Variants in KCNMB2 observed in about 807,000 individuals in gnomAD.
The protein encoded by KCNMB2 is calcium-activated potassium channel subunit beta-2.
KCNMB2 carries 9 observed loss-of-function variants against 24.5 expected under a neutral mutation model. The ratio of observed to expected loss-of-function variants is 0.37; its 90% CI spans 0.22 to 0.64. KCNMB2 has a LOEUF of 0.64. Ranked by LOEUF, KCNMB2 falls within the 30% of genes least tolerant of loss-of-function variation. The pLI, the probability that KCNMB2 is intolerant of heterozygous loss-of-function variation, is 0.63. For missense variants in KCNMB2, 226 were observed against 284.3 expected (o/e 0.79, Z 1.47); for synonymous variants, 109 against 104.4 (o/e 1.04, Z -0.27).
chr3:178,576,237 C>A lies in KCNMB2; in HGVS notation c.-68+39526C>A, dbSNP rs7616919. Among the ~76,000 whole-genome samples the A allele has an allele frequency of 4.3e-3, 654 of 152,054 alleles. 1 individual carries two copies. The highest frequency in any genetic ancestry group is 0.015 in the African/African-American group (622 of 41,468). On this transcript the variant is annotated intron_variant, in intron 1 of 4. Coordinates refer to ENST00000452583, the MANE Select transcript of KCNMB2 (RefSeq NM_181361.3). Reference sequence around the variant, plus strand: ...GGGGCGTTGCCTCACCCAGGAAGCACAAGAGGCTGGGGAACTCCCTCCCCT... The same window carrying A: ...GGGGCGTTGCCTCACCCAGGAAGCAAAAGAGGCTGGGGAACTCCCTCCCCT...
intron 1 of KCNMB2, among the ~76,000 whole-genome samples, chr3:178,568,887 G>GATAGATAC (rs1205162533): frequency 2.0e-5 from 3 of 147,230 alleles, no homozygotes; most frequent in African/African-American, 7.7e-5. Flanking sequence ...TAGATAGATA[G>GATAGATAC]ATAGATAGAT....
intron 1 of KCNMB2, among the ~76,000 whole-genome samples, chr3:178,681,183 A>G (rs916140576): frequency 2.0e-5 from 3 of 152,244 alleles, no homozygotes; most frequent in African/African-American, 7.2e-5. Flanking sequence ...CCTGTGTCAG[A>G]GAGCATAGAT....
rs560107938 is a variant in KCNMB2 at position 178,615,681 on chromosome 3, C to T, written c.-68+78970C>T. Among the ~76,000 whole-genome samples, 60 of 152,256 alleles carry T rather than the reference C, an allele frequency of 3.9e-4. 1 individual carries two copies. The highest frequency in any genetic ancestry group is 1.9e-3 in the South Asian group (9 of 4,814). ...TCACCTGTCAGGGCAATGGGCTCCC[C>T]GCTGGCCTAGGGCAGGTCCAGAAAT... On this transcript the variant is annotated intron_variant, in intron 1 of 4. Transcript: ENST00000452583.
chr3:178,796,206 C>T (rs1713535133), intron 1 of KCNMB2, among the ~76,000 whole-genome samples: 1 of 152,046 alleles, frequency 6.6e-6, no homozygotes, highest in Non-Finnish European at 1.5e-5. Flanking sequence ...GTTAATTCAT[C>T]AAGAGGATAT....
chr3:178,543,399 G>A (rs1001554131), intron 1 of KCNMB2, among the ~76,000 whole-genome samples: 3 of 152,284 alleles, frequency 2.0e-5, no homozygotes, highest in South Asian at 2.1e-4. Flanking sequence ...CTGTGGCTGC[G>A]CTGACTGAAA....
intron 1 of KCNMB2, among the ~76,000 whole-genome samples, chr3:178,740,477 C>T (rs1324141136): frequency 6.6e-6 from 1 of 152,068 alleles, no homozygotes; most frequent in Non-Finnish European, 1.5e-5. Context: ...TTTATCTACC[C>T]ATGATGTTCA....
intron 1 of KCNMB2, among the ~76,000 whole-genome samples, chr3:178,777,268 T>C (rs1712619498): frequency 6.6e-6 from 1 of 152,134 alleles, no homozygotes; most frequent in East Asian, 1.9e-4. Flanking sequence ...ATCCCATCTC[T>C]ACTAAAAATA....
At chr3:178,755,873 G>C (rs926122150) in intron 1 of KCNMB2, among the ~76,000 whole-genome samples, 1 of 152,030 alleles carries the variant, frequency 6.6e-6, no homozygotes, top group East Asian at 1.9e-4. Context: ...AGTCACCCAA[G>C]GCAGAAATAC....
intron 1 of KCNMB2, among the ~76,000 whole-genome samples, chr3:178,776,685 G>A (rs1712592541): frequency 2.0e-5 from 3 of 152,088 alleles, no homozygotes; most frequent in Admixed American, 6.5e-5. Context: ...TATCATAGAC[G>A]ACCCTCCCAG....
intron 1 of KCNMB2, among the ~76,000 whole-genome samples, chr3:178,662,805 G>A (rs559850402): frequency 6.6e-6 from 1 of 151,672 alleles, no homozygotes; most frequent in Admixed American, 6.6e-5. Context: ...TCTCTAAATG[G>A]ATTATCTCAC....
chr3:178,728,988 G>T (rs953167400), intron 1 of KCNMB2, among the ~76,000 whole-genome samples: 43 of 152,136 alleles, frequency 2.8e-4, no homozygotes, highest in Non-Finnish European at 7.3e-5. Flanking sequence ...TAGGAGAAAG[G>T]TCTGTGTGTT....
intron 1 of KCNMB2, among the ~76,000 whole-genome samples, chr3:178,624,408 T>C (rs1032080123): frequency 6.6e-5 from 10 of 152,104 alleles, no homozygotes. Context: ...TACTAAATGG[T>C]TGAATTCCAC....
At chr3:178,597,502 G>A (rs1717919212) in intron 1 of KCNMB2, among the ~76,000 whole-genome samples, 1 of 152,138 alleles carries the variant, frequency 6.6e-6, no homozygotes, top group Non-Finnish European at 1.5e-5. Context: ...ACAACACTGA[G>A]TTTGCACAGC....
chr3:178,556,256 G>C (rs1235245359), intron 1 of KCNMB2, among the ~76,000 whole-genome samples: 1 of 152,224 alleles, frequency 6.6e-6, no homozygotes, highest in African/African-American at 2.4e-5. Context: ...AAGAGATGCA[G>C]ATTCCAGAGT....
At chr3:178,573,143 G>T (rs1029125226) in intron 1 of KCNMB2, among the ~76,000 whole-genome samples, 26 of 151,734 alleles carry the variant, frequency 1.7e-4, no homozygotes, top group African/African-American at 6.3e-4. Context: ...CGAGTAGCTG[G>T]GATTACAGGC....
intron 1 of KCNMB2, among the ~76,000 whole-genome samples, chr3:178,575,124 G>A (rs987832121): frequency 6.6e-6 from 1 of 152,110 alleles, no homozygotes; most frequent in Non-Finnish European, 1.5e-5. Flanking sequence ...CTAGTTGTAA[G>A]AGGCCATAAT....
At chr3:178,754,177 T>TATATACACAC (rs1435109631) in intron 1 of KCNMB2, among the ~76,000 whole-genome samples, 20 of 117,228 alleles carry the variant, frequency 1.7e-4, no homozygotes, top group Admixed American at 2.6e-4. Context: ...TATATATATA[T>TATATACACAC]ACACACACAC....
intron 1 of KCNMB2, among the ~76,000 whole-genome samples, chr3:178,738,342 A>G (rs989307033): frequency 6.6e-6 from 1 of 152,052 alleles, no homozygotes; most frequent in Non-Finnish European, 1.5e-5. Context: ...CCAACAATCT[A>G]TTCTACTCTA....
At chr3:178,642,570 A>AATATT (rs1369529303) in intron 1 of KCNMB2, among the ~76,000 whole-genome samples, 2 of 152,242 alleles carry the variant, frequency 1.3e-5, no homozygotes, top group African/African-American at 4.8e-5. Flanking sequence ...TTAGAAGTGC[A>AATATT]AGTTAGGGAG....
Sources: allele counts gnomAD v4.1 joint callset (sites outside exome capture counted in the v4.1 genomes callset), GRCh38; gene constraint gnomAD v4.1.1; transcripts MANE v1.5; gene names NCBI Gene and HGNC (gene_info 2026-07-23, HGNC 2026-07-21).